The following KCNK13 variants were observed in gnomAD, a reference collection of about 807,000 sequenced individuals.
The protein encoded by KCNK13 is potassium channel subfamily K member 13.
A neutral mutation model predicts 23.4 loss-of-function variants in KCNK13; 12 were observed. The ratio of observed to expected loss-of-function variants is 0.51; its 90% CI spans 0.33 to 0.83. The LOEUF (loss-of-function observed/expected upper bound fraction) is 0.83. KCNK13 is among the 40% of genes least tolerant of loss of function. The probability of loss-of-function intolerance (pLI) is 0.02; values close to 1 mark genes in which losing one functional copy is unlikely to be tolerated. For synonymous variants in KCNK13, 231 were observed against 229.5 expected (o/e 1.01, Z -0.06); for missense variants, 463 against 556.3 (o/e 0.83, Z 1.69).
Position 90,143,176 on chromosome 14 carries a change from T to TTTCTTTCTTTCTTTCTTTCTTTCTTTC in KCNK13, c.335-40933_335-40932insCTTTCTTTCTTTCTTTCTTTCTTTCTT, listed in dbSNP as rs3994012. On this transcript the variant is annotated intron_variant, in intron 1 of 1. Coordinates refer to ENST00000282146, the MANE Select transcript of KCNK13 (RefSeq NM_022054.4). ...CTTTCTTTCTTTCTTTCTTTCTTTCTTTTCTTTTCTTTTCTTTCTTTCTTT... is the reference window on the plus strand; with the variant it reads ...CTTTCTTTCTTTCTTTCTTTCTTTCTTTCTTTCTTTCTTTCTTTCTTTCTTTCTTTCTTTTCTTTTCTTTCTTTCTTT... Among the ~76,000 whole-genome samples, 496 of 97,616 alleles carry TTTCTTTCTTTCTTTCTTTCTTTCTTTC rather than the reference T, an allele frequency of 5.1e-3. 2 individuals carry two copies. The highest frequency in any genetic ancestry group is 0.024 in the East Asian group (30 of 1,248). 64.0% of individuals were successfully genotyped at this position (97,616 alleles called of 152,430 possible). A position where few individuals can be genotyped will look rare whatever the true frequency, so the allele number is the denominator to read the frequency against.
At chr14:90,125,057 T>G (rs1889780405) in intron 1 of KCNK13, among the ~76,000 whole-genome samples, 1 of 152,030 alleles carries the variant, frequency 6.6e-6, no homozygotes, top group Non-Finnish European at 1.5e-5. Flanking sequence ...AATGAAGAAT[T>G]TTTTACTGTA....
intron 1 of KCNK13, among the ~76,000 whole-genome samples, chr14:90,171,432 G>A (rs150598531): frequency 7.7e-4 from 118 of 152,318 alleles, no homozygotes; most frequent in Middle Eastern, 3.4e-3. Flanking sequence ...TTTGTATAAA[G>A]CAGATTATGA....
intron 1 of KCNK13, among the ~76,000 whole-genome samples, chr14:90,088,388 GTAAA>G (rs1889305937): frequency 6.6e-6 from 1 of 152,152 alleles, no homozygotes; most frequent in Admixed American, 6.5e-5. Flanking sequence ...TTTCTGTGGT[GTAAA>G]TATTCCCACA....
At chr14:90,118,491 G>A (rs1340997197) in intron 1 of KCNK13, among the ~76,000 whole-genome samples, 1 of 152,216 alleles carries the variant, frequency 6.6e-6, no homozygotes, top group Non-Finnish European at 1.5e-5. Context: ...ATTGTAGCAT[G>A]ATTCAGTGCT....
At chr14:90,172,587 A>G (rs1461916456) in intron 1 of KCNK13, among the ~76,000 whole-genome samples, 1 of 152,106 alleles carries the variant, frequency 6.6e-6, no homozygotes, top group Non-Finnish European at 1.5e-5. Flanking sequence ...TAACTTAACC[A>G]TAAAACACTT....
At chr14:90,078,721 G>A (rs1248835206) in intron 1 of KCNK13, among the ~76,000 whole-genome samples, 5 of 152,114 alleles carry the variant, frequency 3.3e-5, no homozygotes, top group Admixed American at 2.6e-4. Context: ...GGTGAAGACC[G>A]AGCTCCCGGA....
intron 1 of KCNK13, among the ~76,000 whole-genome samples, chr14:90,117,930 A>T (rs1337218386): frequency 6.6e-6 from 1 of 152,214 alleles, no homozygotes; most frequent in Non-Finnish European, 1.5e-5. Context: ...ATCCTTCAGT[A>T]TGTGACTTTT....
At chr14:90,147,384 G>A (rs1228978995) in intron 1 of KCNK13, among the ~76,000 whole-genome samples, 1 of 152,088 alleles carries the variant, frequency 6.6e-6, no homozygotes, top group Non-Finnish European at 1.5e-5. Context: ...TGAGTAGCTA[G>A]GACTACAGAC....
intron 1 of KCNK13, among the ~76,000 whole-genome samples, chr14:90,119,914 T>C (rs1889717337): frequency 6.6e-6 from 1 of 152,212 alleles, no homozygotes; most frequent in Admixed American, 6.5e-5. Context: ...GTTTATTTTT[T>C]AACTTAAAAA....
intron 1 of KCNK13, among the ~76,000 whole-genome samples, chr14:90,087,154 A>ATATATATATATATATTTTTT (rs1282261147): frequency 1.9e-5 from 2 of 107,650 alleles, no homozygotes; most frequent in Non-Finnish European, 3.5e-5. Flanking sequence ...ATATATATAT[A>ATATATATATATATATTTTTT]TTTTTTTTTT....
chr14:90,126,933 A>G (rs1000061534), intron 1 of KCNK13, among the ~76,000 whole-genome samples: 1 of 152,238 alleles, frequency 6.6e-6, no homozygotes, highest in African/African-American at 2.4e-5. Flanking sequence ...TGTCAAGGTT[A>G]TCAAAACCAA....
Position 90,185,075 on chromosome 14 carries a change from G to A in KCNK13, c.*72G>A. On this transcript the variant is annotated 3_prime_UTR_variant, in exon 2 of 2. Coordinates refer to ENST00000282146, the MANE Select transcript of KCNK13 (RefSeq NM_022054.4). ...GATTGCCGCCCAGGGGACGAGCTCA[G>A]CCCTGCGCCTTGGCTCTGTTCCTTC... The A allele has an allele frequency of 7.5e-7, 1 of 1,339,794 alleles. No individual in the cohort carries two copies. The highest frequency in any genetic ancestry group is 1.5e-5 in the South Asian group (1 of 66,550). 83.0% of individuals were successfully genotyped at this position (1,339,794 alleles called of 1,614,324 possible).
chr14:90,099,655 T>C (rs1889451299), intron 1 of KCNK13, among the ~76,000 whole-genome samples: 1 of 152,172 alleles, frequency 6.6e-6, no homozygotes, highest in Non-Finnish European at 1.5e-5. Flanking sequence ...ATGGAAGTCA[T>C]TGCAATTGCA....
intron 1 of KCNK13, among the ~76,000 whole-genome samples, chr14:90,094,491 ATCAAGTCCTAGCTCACATCAAC>A (rs1048897889): frequency 1.3e-5 from 2 of 152,152 alleles, no homozygotes; most frequent in Non-Finnish European, 2.9e-5. Flanking sequence ...GCTAAACCAG[ATCAAGTCCTAGCTCACATCAAC>A]TCAAGTCCTA....
At chr14:90,135,872 G>A (rs1041653517) in intron 1 of KCNK13, among the ~76,000 whole-genome samples, 12 of 152,124 alleles carry the variant, frequency 7.9e-5, no homozygotes, top group African/African-American at 2.7e-4. Context: ...GTGACAGCCA[G>A]GATGTTGATA....
chr14:90,063,863 G>A (rs1596761208), intron 1 of KCNK13, among the ~76,000 whole-genome samples: 1 of 152,326 alleles, frequency 6.6e-6, no homozygotes, highest in Non-Finnish European at 1.5e-5. Context: ...CGAGGCAGAG[G>A]ACCAGTATGA....
At chr14:90,151,889 C>T (rs1023635634) in intron 1 of KCNK13, among the ~76,000 whole-genome samples, 2 of 152,176 alleles carry the variant, frequency 1.3e-5, no homozygotes, top group African/African-American at 2.4e-5. Flanking sequence ...GTCCTTTTCC[C>T]ATTGTGCATT....
intron 1 of KCNK13, among the ~76,000 whole-genome samples, chr14:90,130,399 C>T (rs1027809636): frequency 1.3e-5 from 2 of 151,666 alleles, no homozygotes; most frequent in African/African-American, 2.4e-5. Context: ...GGGGTTTCGC[C>T]ATGTTGGCCA....
chr14:90,184,204 A>T lies in KCNK13; in HGVS notation c.428A>T (p.Asn143Ile). The T allele has an allele frequency of 6.2e-7, 1 of 1,614,016 alleles. No homozygotes were observed. Among genetic ancestry groups the T allele is most frequent in the South Asian group, 1.1e-5 (1 of 91,064 alleles). ...TGTTCCAGCACCATCTTGTTCTTCA[A>T]CCTCTTCCTGGAGCGCCTGATCACC... ...VGCSSTILFFNLFLERLITII... is the reference protein window; with the variant it reads ...VGCSSTILFFILFLERLITII... Residue 143 changes from asparagine (N) to isoleucine (I), a missense_variant, in exon 2 of 2, where the codon AAC (asparagine) becomes ATC (isoleucine). Physicochemically the swap from Asn to Ile is moderately radical, Grantham distance 149. Transcript: ENST00000282146. The surrounding 1 kb of genome is among the most constrained non-coding windows in gnomAD (Gnocchi z 5.6).
Sources: allele counts gnomAD v4.1 joint callset (sites outside exome capture counted in the v4.1 genomes callset), GRCh38; gene constraint gnomAD v4.1.1; non-coding constraint Gnocchi (gnomAD v3.1); transcripts MANE v1.5; gene names NCBI Gene and HGNC (gene_info 2026-07-23, HGNC 2026-07-21).